BMP5: variants seen among roughly 807,000 people sequenced by gnomAD.
BMP5 encodes the protein bone morphogenetic protein 5.
In BMP5, 23 loss-of-function variants were observed where a neutral mutation model predicts 46.6. The ratio of observed to expected loss-of-function variants is 0.49; its 90% CI spans 0.35 to 0.70. The LOEUF (loss-of-function observed/expected upper bound fraction) is 0.70, where lower values mean the gene tolerates loss of function less well. Ranked by LOEUF, BMP5 falls within the 30% of genes least tolerant of loss-of-function variation. The probability of loss-of-function intolerance (pLI) is 0.00; values close to 1 mark genes in which losing one functional copy is unlikely to be tolerated. For missense variants in BMP5, 545 were observed against 565.6 expected (o/e 0.96, Z 0.37); for synonymous variants, 204 against 191.9 (o/e 1.06, Z -0.52).
intron 3 of BMP5, among the ~76,000 whole-genome samples, chr6:55,778,111 C>T (rs1334937862): frequency 6.6e-6 from 1 of 152,002 alleles, no homozygotes; most frequent in Non-Finnish European, 1.5e-5. Context: ...AATAACTATA[C>T]CAAAGCAAAG....
rs1313254832 is a variant in BMP5, at chr6:55,755,383, A to G, written c.*150T>C. On this transcript the variant is annotated 3_prime_UTR_variant, in exon 7 of 7. Coordinates refer to ENST00000370830, the MANE Select transcript of BMP5 (RefSeq NM_021073.4). ...AATATATACGTTTAAATAAATAAAA[A>G]TGACTATATACATGATATTGTACAT... is the stretch of plus-strand genomic sequence containing the variant. 1.4e-6 allele frequency: 1 copy of G among 691,460 alleles called. No individual in the cohort carries two copies. Among genetic ancestry groups the G allele is most frequent in the African/African-American group, 1.8e-5 (1 of 54,956 alleles). 42.8% of individuals were successfully genotyped at this position (691,460 alleles called of 1,614,324 possible). A position where few individuals can be genotyped will look rare whatever the true frequency, so the allele number is the denominator to read the frequency against.
intron 3 of BMP5, among the ~76,000 whole-genome samples, chr6:55,791,538 T>A (rs1775572363): frequency 6.6e-6 from 1 of 152,160 alleles, no homozygotes. Flanking sequence ...AATAACATAC[T>A]AGTAATTTAA....
At chr6:55,777,810 C>G (rs1356649403) in intron 3 of BMP5, among the ~76,000 whole-genome samples, 1 of 151,902 alleles carries the variant, frequency 6.6e-6, no homozygotes, top group Non-Finnish European at 1.5e-5. Context: ...GAAAGGGAAT[C>G]AAAGAAAATC....
At chr6:55,819,542 T>C (rs1776358147) in intron 2 of BMP5, 113 bp downstream of exon 2, 3 of 873,388 alleles carry the variant, frequency 3.4e-6, no homozygotes, top group Non-Finnish European at 3.6e-6. Flanking sequence ...TAAATGTTAC[T>C]ACATTGCCCC....
intron 1 of BMP5, among the ~76,000 whole-genome samples, chr6:55,848,799 T>C (rs535984781): frequency 1.2e-4 from 18 of 152,142 alleles, no homozygotes; most frequent in African/African-American, 4.1e-4. Context: ...GCAGGAATCA[T>C]TTTTCCCTTA....
At chr6:55,784,095 A>G (rs1321559178) in intron 3 of BMP5, among the ~76,000 whole-genome samples, 5 of 151,914 alleles carry the variant, frequency 3.3e-5, no homozygotes, top group Non-Finnish European at 5.9e-5. Flanking sequence ...ACTAAATTAA[A>G]ACAAAAGCTA....
chr6:55,868,059 TCA>T (rs1412691667), intron 1 of BMP5, among the ~76,000 whole-genome samples: 1 of 152,156 alleles, frequency 6.6e-6, no homozygotes, highest in Non-Finnish European at 1.5e-5. Flanking sequence ...GAAAGGGTAA[TCA>T]CAGAGTCAGA....
chr6:55,837,600 A>C (rs1467955872), intron 1 of BMP5, among the ~76,000 whole-genome samples: 1 of 152,210 alleles, frequency 6.6e-6, no homozygotes, highest in Non-Finnish European at 1.5e-5. Context: ...AAATAAGCAC[A>C]TCATGAAGAA....
Position 55,842,909 on chromosome 6 carries a change from T to C in BMP5, c.491-23062A>G, listed in dbSNP as rs182354606. Among the ~76,000 whole-genome samples, 9 of 152,230 alleles carry C rather than the reference T, an allele frequency of 5.9e-5. No homozygotes were observed. The East Asian group carries it at 1.4e-3, about 23-fold the overall frequency. ...CTTAAATATTTCAGCTAAAATTACA[T>C]ATATCAACTGTAAAATATTATTTCA... On this transcript the variant is annotated intron_variant, in intron 1 of 6. Transcript: ENST00000370830.
intron 1 of BMP5, among the ~76,000 whole-genome samples, chr6:55,839,306 T>G (rs1304413420): frequency 6.6e-6 from 1 of 152,058 alleles, no homozygotes; most frequent in Non-Finnish European, 1.5e-5. Context: ...GGTTTTTATT[T>G]TTTATTTATT....
At chr6:55,756,319 G>C (rs930310396) in intron 6 of BMP5, among the ~76,000 whole-genome samples, 3 of 151,720 alleles carry the variant, frequency 2.0e-5, no homozygotes, top group Non-Finnish European at 4.4e-5. Context: ...CTGCCCCCTA[G>C]ACAAGTGCCA....
intron 1 of BMP5, among the ~76,000 whole-genome samples, chr6:55,848,043 T>G (rs1452758593): frequency 1.3e-5 from 2 of 151,982 alleles, no homozygotes; most frequent in South Asian, 2.1e-4. Flanking sequence ...AAACTTCTAT[T>G]TACTTTCCTA....
chr6:55,828,610 T>C (rs2127541412), intron 1 of BMP5, among the ~76,000 whole-genome samples: 1 of 151,944 alleles, frequency 6.6e-6, no homozygotes, highest in East Asian at 1.9e-4. Flanking sequence ...AAAAATCACA[T>C]TTTTAGTGTA....
At chr6:55,807,047 T>G (rs533079172) in intron 2 of BMP5, among the ~76,000 whole-genome samples, 11 of 152,314 alleles carry the variant, frequency 7.2e-5, no homozygotes, top group Admixed American at 3.9e-4. Context: ...TCTTCCTATC[T>G]GAATACCCTT....
intron 1 of BMP5, among the ~76,000 whole-genome samples, chr6:55,864,577 C>T (rs1236860640): frequency 2.0e-5 from 3 of 152,094 alleles, no homozygotes; most frequent in Non-Finnish European, 4.4e-5. Context: ...GCCAAACAAA[C>T]TTTTCCTTAT....
At chr6:55,862,098 A>T (rs979279236) in intron 1 of BMP5, among the ~76,000 whole-genome samples, 1 of 152,246 alleles carries the variant, frequency 6.6e-6, no homozygotes, top group South Asian at 2.1e-4. Flanking sequence ...GAAATCATTA[A>T]GGTCTTAACT....
intron 2 of BMP5, among the ~76,000 whole-genome samples, chr6:55,800,890 C>T (rs1775835246): frequency 6.6e-6 from 1 of 152,108 alleles, no homozygotes; most frequent in Non-Finnish European, 1.5e-5. Context: ...ATATCAGCTC[C>T]CTTTACTCCC....
intron 4 of BMP5, among the ~76,000 whole-genome samples, chr6:55,770,553 A>G (rs1427699155): frequency 6.6e-6 from 1 of 151,874 alleles, no homozygotes; most frequent in Non-Finnish European, 1.5e-5. Flanking sequence ...TCTTATCATT[A>G]TTGTGTTGAT....
intron 2 of BMP5, among the ~76,000 whole-genome samples, chr6:55,804,075 C>T (rs558656065): frequency 6.6e-6 from 1 of 152,274 alleles, no homozygotes; most frequent in Admixed American, 6.5e-5. Context: ...TTTTTCTTAT[C>T]AATCACTATC....
Sources: gnomAD v4.1 joint callset for allele counts (sites outside exome capture counted in the v4.1 genomes callset) on GRCh38, gnomAD v4.1.1 for gene constraint, MANE v1.5 for transcripts, NCBI Gene and HGNC (gene_info 2026-07-23, HGNC 2026-07-21) for gene names.